DMD: variants seen among roughly 807,000 people sequenced by gnomAD.
DMD encodes mutant dystrophin.
Under a neutral mutation model 330.1 loss-of-function variants are expected in DMD, and 63 were observed. That is an observed-to-expected ratio of 0.19 (90% CI 0.16 to 0.24). DMD has a LOEUF of 0.24. Ranked by LOEUF, DMD falls within the 10% of genes least tolerant of loss-of-function variation. The pLI is 1.00. For synonymous variants in DMD, 1,223 were observed against 959.8 expected (o/e 1.27, Z -5.07); for missense variants, 3,344 against 2,684.1 (o/e 1.25, Z -5.43).
At chrX:31,684,746 A>G (rs2082584293) in intron 52 of DMD, among the ~76,000 whole-genome samples, 1 of 112,358 alleles carries the variant, frequency 8.9e-6, no homozygotes, top group Non-Finnish European at 1.9e-5. Flanking sequence ...TGGGGAGCAG[A>G]GCCATGCAAT....
chrX:32,259,472 G>T (rs760502674), intron 43 of DMD, among the ~76,000 whole-genome samples: 48 of 110,641 alleles, frequency 4.3e-4, no homozygotes, highest in African/African-American at 1.6e-3. Flanking sequence ...CAAATAATAT[G>T]AAATATAAAA....
chrX:31,510,700 A>G (rs773950792), intron 55 of DMD, among the ~76,000 whole-genome samples: 364 of 108,932 alleles, frequency 3.3e-3, no homozygotes, highest in African/African-American at 0.01. Flanking sequence ...TAGTAGAAAC[A>G]GGGTTTCACC....
chrX:33,049,094 A>C (rs1290505237), intron 1 of DMD, among the ~76,000 whole-genome samples: 1 of 111,823 alleles, frequency 8.9e-6, no homozygotes, highest in East Asian at 2.8e-4. Flanking sequence ...CTACTGTGTC[A>C]AGTCTGCCAA....
At chrX:32,304,585 A>T (rs771997035) in intron 42 of DMD, among the ~76,000 whole-genome samples, 1 of 111,499 alleles carries the variant, frequency 9.0e-6, no homozygotes, top group South Asian at 3.7e-4. Flanking sequence ...CTTTTCATAT[A>T]ATACAAATGA....
At chrX:31,855,713 T>C (rs2093603307) in intron 48 of DMD, among the ~76,000 whole-genome samples, 1 of 104,999 alleles carries the variant, frequency 9.5e-6, no homozygotes, top group Admixed American at 1.2e-4. Flanking sequence ...GTAATTGAAT[T>C]AAACTCGTAT....
chrX:32,711,795 C>T (rs932732203), intron 7 of DMD, among the ~76,000 whole-genome samples: 31 of 111,690 alleles, frequency 2.8e-4, no homozygotes, highest in Non-Finnish European at 9.4e-5. Flanking sequence ...TTTAGCTATC[C>T]ATTTATCATA....
chrX:31,801,617 C>A (rs2092071977), intron 50 of DMD, among the ~76,000 whole-genome samples: 3 of 93,182 alleles, frequency 3.2e-5, no homozygotes, highest in Non-Finnish European at 4.2e-5. Flanking sequence ...GTAACTATTT[C>A]TTGTGCTAGA....
intron 43 of DMD, among the ~76,000 whole-genome samples, chrX:32,229,649 C>CATATATATATAT (rs550544963): frequency 1.1e-3 from 67 of 61,187 alleles, no homozygotes; most frequent in African/African-American, 4.0e-3. Flanking sequence ...ACATATTTTA[C>CATATATATATAT]ATATATATAT....
chrX:31,399,834 T>C (rs1221448439), intron 60 of DMD, among the ~76,000 whole-genome samples: 2 of 110,822 alleles, frequency 1.8e-5, no homozygotes, highest in Admixed American at 9.6e-5. Context: ...AAGGGCAGAG[T>C]AGTTAGAGAG....
intron 47 of DMD, among the ~76,000 whole-genome samples, chrX:31,920,025 C>T (rs1182376862): frequency 8.9e-6 from 1 of 112,136 alleles, no homozygotes; most frequent in Non-Finnish European, 1.9e-5. Context: ...GGTAAGAAAC[C>T]CATTACAGAT....
At chrX:32,266,259 G>T (rs897174669) in intron 43 of DMD, among the ~76,000 whole-genome samples, 3 of 111,387 alleles carry the variant, frequency 2.7e-5, no homozygotes, top group Non-Finnish European at 5.7e-5. Context: ...TATGAAGAAG[G>T]ATGTGATTGC....
chrX:31,178,005 C>T, intron 70 of DMD, 35 bp from the exon 71 acceptor site: 2 of 1,172,478 alleles, frequency 1.7e-6, no homozygotes, highest in Non-Finnish European at 2.3e-6. Flanking sequence ...GAAGGAGACA[C>T]ACGCAAACTC....
chrX:33,063,059 A>G (rs773312332), intron 1 of DMD, among the ~76,000 whole-genome samples: 140 of 112,202 alleles, frequency 1.2e-3, no homozygotes, highest in African/African-American at 4.3e-3. Context: ...ATTTCTACTT[A>G]ATAGAATATA....
chrX:32,736,303 T>G (rs1369486170), intron 7 of DMD, among the ~76,000 whole-genome samples: 1 of 111,150 alleles, frequency 9.0e-6, no homozygotes, highest in Admixed American at 9.5e-5. Flanking sequence ...TAGGAACACT[T>G]TTTCACTGTT....
At chrX:31,283,585 T>C (rs1332506827) in intron 62 of DMD, among the ~76,000 whole-genome samples, 1 of 111,700 alleles carries the variant, frequency 9.0e-6, no homozygotes, top group Non-Finnish European at 1.9e-5. Context: ...ATATTTCACC[T>C]TCATCATGAT....
At chrX:32,017,727 G>A (rs761901525) in intron 44 of DMD, among the ~76,000 whole-genome samples, 4 of 111,766 alleles carry the variant, frequency 3.6e-5, no homozygotes, top group Non-Finnish European at 5.6e-5. Context: ...GTGCCTTTCA[G>A]AAAATCTCCC....
rs763146248 is a variant in DMD at position 31,739,652 on chromosome X, T to C, written c.7543-9904A>G. Among the ~76,000 whole-genome samples the C allele has an allele frequency of 4.6e-5, 5 of 109,608 alleles. No homozygotes were observed. In the East Asian group the frequency reaches 1.4e-3, roughly 31 times the overall value. ...GACAGAGAGCATTAGGACAAATACC[T>C]AATGCATTGGGGGCTTAAAACCTGG... is the stretch of plus-strand genomic sequence containing the variant. On this transcript the variant is annotated intron_variant, in intron 51 of 78. Coordinates refer to ENST00000357033, the MANE Select transcript of DMD (RefSeq NM_004006.3).
intron 55 of DMD, among the ~76,000 whole-genome samples, chrX:31,523,979 G>C (rs1459816440): frequency 8.9e-6 from 1 of 111,836 alleles, no homozygotes; most frequent in African/African-American, 3.3e-5. Context: ...AGGAAGCAGA[G>C]GTGTTCTTTA....
At chrX:32,709,549 CCTCTTT>C (rs1411852846) in intron 7 of DMD, among the ~76,000 whole-genome samples, 5 of 111,510 alleles carry the variant, frequency 4.5e-5, no homozygotes, top group Non-Finnish European at 9.4e-5. Context: ...TAATGTCATC[CCTCTTT>C]CTCTTTCACA....
Sources: gnomAD v4.1 joint callset for allele counts (sites outside exome capture counted in the v4.1 genomes callset) on GRCh38, gnomAD v4.1.1 for gene constraint, MANE v1.5 for transcripts, NCBI Gene and HGNC (gene_info 2026-07-23, HGNC 2026-07-21) for gene names.